The following ITFG1 variants were observed in gnomAD, a reference collection of about 807,000 sequenced individuals.
ITFG1 encodes T-cell immunomodulatory protein.
Under a neutral mutation model 81.8 loss-of-function variants are expected in ITFG1, and 34 were observed. The ratio of observed to expected loss-of-function variants is 0.42; its 90% CI spans 0.32 to 0.55. The LOEUF is 0.55. Among genes scored for constraint, ITFG1 ranks in the 20% least tolerant of loss-of-function variants. ITFG1 has a pLI of 0.17. For missense variants in ITFG1, 672 were observed against 755.4 expected, an observed-to-expected ratio of 0.89 and a Z score of 1.29; for synonymous variants, 285 against 270.6, an observed-to-expected ratio of 1.05 and a Z score of -0.52.
chr16:47,420,784 C>T (rs1480516544), intron 6 of ITFG1, among the ~76,000 whole-genome samples: 1 of 152,190 alleles, frequency 6.6e-6, no homozygotes, highest in African/African-American at 2.4e-5. Context: ...TACCGTGTTC[C>T]TTGTAAAGCA....
chr16:47,300,030 T>C (rs945887175), intron 10 of ITFG1: 1 of 152,266 alleles, frequency 6.6e-6, no homozygotes, highest in Non-Finnish European at 1.5e-5. Context: ...AGTAGTTCCT[T>C]CTCATAGTCT....
chr16:47,337,137 CAAAAAAA>C (rs5816576), intron 8 of ITFG1, among the ~76,000 whole-genome samples: 1 of 81,090 alleles, frequency 1.2e-5, no homozygotes, highest in Non-Finnish European at 2.3e-5. Flanking sequence ...AACTCTGTCT[CAAAAAAA>C]AAAAAAAAAG....
At chr16:47,245,899 G>C (rs1965997257) in intron 12 of ITFG1, among the ~76,000 whole-genome samples, 1 of 151,644 alleles carries the variant, frequency 6.6e-6, no homozygotes, top group Non-Finnish European at 1.5e-5. Flanking sequence ...CGGTCACAAG[G>C]TGAATGGAAC....
At chr16:47,447,679 G>T (rs1407651321) in intron 5 of ITFG1, among the ~76,000 whole-genome samples, 3 of 152,122 alleles carry the variant, frequency 2.0e-5, no homozygotes, top group Non-Finnish European at 2.9e-5. Context: ...CATCTGGTGG[G>T]ACTATAGGAA....
chr16:47,254,806 C>CA (rs1416695199), intron 12 of ITFG1, among the ~76,000 whole-genome samples: 1 of 152,178 alleles, frequency 6.6e-6, no homozygotes, highest in Non-Finnish European at 1.5e-5. Flanking sequence ...GCACATACCA[C>CA]ATTCAGATGA....
intron 13 of ITFG1, among the ~76,000 whole-genome samples, chr16:47,223,893 T>G (rs1259064517): frequency 6.6e-6 from 1 of 152,106 alleles, no homozygotes; most frequent in Non-Finnish European, 1.5e-5. Context: ...TCATAAAAAA[T>G]GATGAGTTCA....
chr16:47,324,999 G>A (rs1179865948), intron 8 of ITFG1, among the ~76,000 whole-genome samples: 2 of 152,264 alleles, frequency 1.3e-5, no homozygotes, highest in African/African-American at 4.8e-5. Context: ...GACATCTACA[G>A]AACTCTCTAC....
At chr16:47,439,630 A>C (rs1278470775) in intron 5 of ITFG1, among the ~76,000 whole-genome samples, 1 of 152,204 alleles carries the variant, frequency 6.6e-6, no homozygotes, top group Non-Finnish European at 1.5e-5. Context: ...CAGACAAGCA[A>C]ATGCTGAGAG....
At chr16:47,307,412 T>A (rs1323213158) in intron 10 of ITFG1, among the ~76,000 whole-genome samples, 1 of 152,156 alleles carries the variant, frequency 6.6e-6, no homozygotes, top group Non-Finnish European at 1.5e-5. Context: ...TTAGTGGAGT[T>A]CTTTTTCCAT....
chr16:47,412,313 A>C (rs1968821278), intron 6 of ITFG1, among the ~76,000 whole-genome samples: 1 of 152,184 alleles, frequency 6.6e-6, no homozygotes, highest in African/African-American at 2.4e-5. Context: ...TGGCCAAAAA[A>C]AATGAGATCC....
intron 8 of ITFG1, among the ~76,000 whole-genome samples, chr16:47,319,298 G>A (rs904817509): frequency 3.9e-5 from 6 of 152,182 alleles, no homozygotes; most frequent in Non-Finnish European, 1.5e-5. Flanking sequence ...ATTTTTGCTT[G>A]AAAGCTCAAA....
intron 13 of ITFG1, 83 bp downstream of exon 13, chr16:47,237,882 A>G: frequency 1.5e-6 from 1 of 663,484 alleles, no homozygotes; most frequent in East Asian, 3.0e-5. Flanking sequence ...GATATTTGAT[A>G]ATCTATAACA....
intron 14 of ITFG1, among the ~76,000 whole-genome samples, chr16:47,199,981 AGGTG>A: frequency 6.6e-6 from 1 of 152,206 alleles, no homozygotes; most frequent in African/African-American, 2.4e-5. Context: ...ATCTGACAGG[AGGTG>A]GAGCTCAGGC....
At chr16:47,451,685 CA>C (rs568090251) in intron 4 of ITFG1, among the ~76,000 whole-genome samples, 53 of 152,278 alleles carry the variant, frequency 3.5e-4, no homozygotes, top group Non-Finnish European at 7.2e-4. Context: ...CAGCCCTCTC[CA>C]GGCTTGCCAT....
At chr16:47,414,578 T>C (rs1230570864) in intron 6 of ITFG1, among the ~76,000 whole-genome samples, 3 of 150,156 alleles carry the variant, frequency 2.0e-5, no homozygotes. Context: ...AACAACAAAA[T>C]CCCCCAAAAC....
chr16:47,323,232 A>G (rs1967476000), intron 8 of ITFG1, among the ~76,000 whole-genome samples: 1 of 152,182 alleles, frequency 6.6e-6, no homozygotes, highest in African/African-American at 2.4e-5. Context: ...CTCATTCATG[A>G]GTTAATTAGT....
chr16:47,286,495 C>T lies in ITFG1; in HGVS notation c.1070+24745G>A, dbSNP rs375450622. Among the ~76,000 whole-genome samples, 11 of 152,140 alleles carry T rather than the reference C, an allele frequency of 7.2e-5. No homozygotes were observed. The East Asian group carries it at 1.9e-3, about 27-fold the overall frequency. ...TCTCTACTAAAAATACAAAAATTAG[C>T]TGGGCATGGTGGCGGGTGCCTGTAA... On this transcript the variant is annotated intron_variant, in intron 10 of 17. Coordinates refer to ENST00000320640, the MANE Select transcript of ITFG1 (RefSeq NM_030790.5).
intron 7 of ITFG1, among the ~76,000 whole-genome samples, chr16:47,375,405 C>G (rs777092184): frequency 1.4e-4 from 20 of 147,018 alleles, no homozygotes; most frequent in Non-Finnish European, 2.2e-4. Context: ...CTTCTACTTA[C>G]AATTAAAAAA....
At chr16:47,423,448 G>T (rs1465419164) in intron 6 of ITFG1, among the ~76,000 whole-genome samples, 2 of 152,058 alleles carry the variant, frequency 1.3e-5, no homozygotes, top group African/African-American at 4.8e-5. Flanking sequence ...GATTGATATT[G>T]TTATGTCTGA....
Sources: allele counts gnomAD v4.1 joint callset (sites outside exome capture counted in the v4.1 genomes callset), GRCh38; gene constraint gnomAD v4.1.1; transcripts MANE v1.5; gene names NCBI Gene and HGNC (gene_info 2026-07-23, HGNC 2026-07-21).